WDR11: variants seen among roughly 807,000 people sequenced by gnomAD.
WDR11 encodes the protein WD repeat-containing protein 11.
Under a neutral mutation model 151.2 loss-of-function variants are expected in WDR11, and 83 were observed. The observed-to-expected ratio is 0.55, with a 90% CI of 0.46 to 0.66. WDR11 has a LOEUF of 0.66. Among genes scored for constraint, WDR11 ranks in the 30% least tolerant of loss-of-function variants. The pLI is 0.00. For synonymous variants in WDR11, 484 were observed against 533.1 expected, an observed-to-expected ratio of 0.91 and a Z score of 1.27; for missense variants, 1,301 against 1,480.9, an observed-to-expected ratio of 0.88 and a Z score of 1.99.
At chr10:120,885,535 A>G (rs1042041449) in intron 14 of WDR11, among the ~76,000 whole-genome samples, 5 of 152,120 alleles carry the variant, frequency 3.3e-5, no homozygotes, top group African/African-American at 1.2e-4. Context: ...GGAGACGAGG[A>G]ATAGGCAATA....
intron 16 of WDR11, 149 bp downstream of exon 16, chr10:120,886,985 A>G (rs2133786983): frequency 1.2e-6 from 1 of 833,112 alleles, no homozygotes; most frequent in South Asian, 1.6e-5. Context: ...AACTTGTTCC[A>G]TACTGCTAGA....
At position 120,873,940 on chromosome 10, in the gene WDR11, G is replaced by A. The variant is rs780623596; in HGVS notation, c.1556+17G>A. On this transcript the variant is annotated intron_variant, in intron 11 of 28. Coordinates refer to ENST00000263461, the MANE Select transcript of WDR11 (RefSeq NM_018117.12). Reference sequence around the variant, plus strand: ...TGAAGTCAAGTAAGTATGTCATTGTGATGATGACATCACAAACATCATATC... The same window carrying A: ...TGAAGTCAAGTAAGTATGTCATTGTAATGATGACATCACAAACATCATATC... The A allele has an allele frequency of 3.3e-5, 51 of 1,547,094 alleles. No individual in the cohort carries two copies. Among genetic ancestry groups the A allele is most frequent in the Non-Finnish European group, 4.5e-5 (50 of 1,119,498 alleles).
Position 120,905,411 on chromosome 10 carries a change from G to A in WDR11, c.3286G>A (p.Ala1096Thr). ...CGAGTGGAATCGGGCTGCATGGCTG[G>A]CAAAAGTAGGTGGTTCCAAGTTTCA... ...YGEWNRAAWL[A>T]KVRLNPEECA... Residue 1096 changes from alanine to threonine, a missense_variant, in exon 26 of 29, where the codon GCA becomes ACA. By Grantham distance (58) the Ala-to-Thr change is moderately conservative. This residue lies in a region of WDR11 where 589 missense variants were observed against 670.6 expected (regional missense o/e 0.88). Transcript: ENST00000263461. 1 of 1,614,164 alleles carries A rather than the reference G, an allele frequency of 6.2e-7. No homozygotes were observed. The highest frequency in any genetic ancestry group is 1.1e-5 in the South Asian group (1 of 91,088).
chr10:120,892,581 A>G (rs574012048), intron 19 of WDR11, among the ~76,000 whole-genome samples: 1 of 152,352 alleles, frequency 6.6e-6, no homozygotes, highest in South Asian at 2.1e-4. Flanking sequence ...AATTAGAAGT[A>G]TATTTGGGGC....
chr10:120,860,320 G>T, intron 4 of WDR11, 38 bp downstream of exon 4: 1 of 1,597,394 alleles, frequency 6.3e-7, no homozygotes. Flanking sequence ...AGTTAAGTGA[G>T]ATATTTATAA....
At chr10:120,900,458 G>A (rs191499352) in intron 20 of WDR11, among the ~76,000 whole-genome samples, 14 of 152,136 alleles carry the variant, frequency 9.2e-5, no homozygotes, top group African/African-American at 3.4e-4. Context: ...TTTGGAGCCG[G>A]GCACGTTCTT....
chr10:120,859,547 G>A (rs907920525), intron 3 of WDR11, among the ~76,000 whole-genome samples: 6 of 152,014 alleles, frequency 3.9e-5, no homozygotes, highest in African/African-American at 9.7e-5. Context: ...GATTACAGGC[G>A]TGAACCACTG....
In WDR11 at chr10:120,866,719, T is replaced by G; in HGVS notation, c.1145T>G (p.Ile382Arg). Residue 382 changes from isoleucine to arginine, a missense_variant, in exon 8 of 29, where the codon ATA (isoleucine) becomes AGA (arginine). Ile to Arg is a moderately conservative substitution (Grantham distance 97). Around this residue, in one of 3 missense-constraint regions of WDR11, gnomAD observed 692 missense variants for 762.5 expected, o/e 0.91. Coordinates refer to ENST00000263461, the MANE Select transcript of WDR11 (RefSeq NM_018117.12). ...ALVVSDGRVM[I>R]WELKSAVCNR... ...GTAGTGAGTGATGGCAGGGTCATGA[T>G]ATGGGAACTCAAGTCTGCAGTTTGT... 1 of 1,614,194 alleles carries G rather than the reference T, an allele frequency of 6.2e-7. No individual in the cohort carries two copies. Among genetic ancestry groups the G allele is most frequent in the Non-Finnish European group, 8.5e-7 (1 of 1,180,036 alleles).
At position 120,862,817 on chromosome 10, in the gene WDR11, A is replaced by T; in HGVS notation, c.609A>T (p.Ile203=). The T allele has an allele frequency of 6.2e-7, 1 of 1,614,126 alleles. No individual in the cohort carries two copies. The highest frequency in any genetic ancestry group is 8.5e-7 in the Non-Finnish European group (1 of 1,180,020). The change falls in exon 5 of 29, where the codon ATA becomes ATT. Residue 203 remains isoleucine, a synonymous_variant. Coordinates refer to ENST00000263461, the MANE Select transcript of WDR11 (RefSeq NM_018117.12). ...PPSGPGKKVY[I]SSPHSSPAHN... ...CAGGCCCTGGGAAAAAAGTTTACAT[A>T]TCCAGCCCACACTCTAGCCCAGCTC... is the stretch of plus-strand genomic sequence containing the variant.
At chr10:120,854,971 G>T (rs1845899129) in intron 2 of WDR11, among the ~76,000 whole-genome samples, 1 of 152,086 alleles carries the variant, frequency 6.6e-6, no homozygotes, top group South Asian at 2.1e-4. Flanking sequence ...TATATATATT[G>T]TGCTTTTTCT....
chr10:120,903,694 T>C (rs1476114505), intron 23 of WDR11, among the ~76,000 whole-genome samples: 6 of 152,240 alleles, frequency 3.9e-5, no homozygotes, highest in Non-Finnish European at 8.8e-5. Context: ...TTTAATTCTG[T>C]CATTAATTTC....
intron 7 of WDR11, 146 bp from the exon 8 acceptor site, chr10:120,866,423 G>C: frequency 1.2e-6 from 1 of 838,962 alleles, no homozygotes. Flanking sequence ...AAATTTAGTA[G>C]TAATTGTAAA....
At position 120,862,721 on chromosome 10, in the gene WDR11, T is replaced by C. The variant is rs1383434173; in HGVS notation, c.527-14T>C. On this transcript the variant is annotated splice_polypyrimidine_tract_variant and intron_variant, in intron 4 of 28. Transcript: ENST00000263461. ...CATTAAACTTTAATCAGAGTTTTGCTTTTCTCAATATAGTGCTTACCAGCG... is the reference window on the plus strand; with the variant it reads ...CATTAAACTTTAATCAGAGTTTTGCCTTTCTCAATATAGTGCTTACCAGCG... 1 of 1,613,902 alleles carries C rather than the reference T, an allele frequency of 6.2e-7. No homozygotes were observed. Among genetic ancestry groups the C allele is most frequent in the Non-Finnish European group, 8.5e-7 (1 of 1,179,950 alleles).
At chr10:120,885,053 C>T (rs1847167543) in intron 14 of WDR11, 1 of 152,224 alleles carries the variant, frequency 6.6e-6, no homozygotes, top group African/African-American at 2.4e-5. Context: ...ACACAGACAT[C>T]TTCTGTGTCC....
At chr10:120,878,656 AC>A (rs1222557571) in intron 12 of WDR11, among the ~76,000 whole-genome samples, 197 bp downstream of exon 12, 1 of 152,204 alleles carries the variant, frequency 6.6e-6, no homozygotes, top group African/African-American at 2.4e-5. Context: ...TGGCACAAAT[AC>A]ATGGTAAAAT....
intron 17 of WDR11, 110 bp downstream of exon 17, chr10:120,889,294 G>A (rs754536828): frequency 9.7e-6 from 8 of 828,076 alleles, no homozygotes; most frequent in Non-Finnish European, 1.6e-5. Context: ...CTGGAGTGCA[G>A]TGGTGCAATC....
At chr10:120,854,628 C>T (rs1845887699) in intron 2 of WDR11, among the ~76,000 whole-genome samples, 1 of 152,134 alleles carries the variant, frequency 6.6e-6, no homozygotes, top group Non-Finnish European at 1.5e-5. Context: ...TATGAGGAGT[C>T]TAATTTGTCC....
chr10:120,885,673 A>G (rs1847192572), intron 14 of WDR11, 141 bp from the exon 15 acceptor site: 10 of 1,127,808 alleles, frequency 8.9e-6, no homozygotes, highest in Admixed American at 1.9e-5. Context: ...CTAAGTAGGT[A>G]AAATCTAAAG....
chr10:120,871,279 T>C lies in WDR11; in HGVS notation c.1404T>C (p.Phe468=), dbSNP rs770125070. The change falls in exon 10 of 29, where the codon TTT becomes TTC. Residue 468 remains phenylalanine, a synonymous_variant. Transcript: ENST00000263461. ...TTTCAGGACTGCCCGCACCACAGTT[T>C]GCTATTCGTATGTGTCCACCGTTGA... is the stretch of plus-strand genomic sequence containing the variant. ...GLLSGLPAPQ[F]AIRMCPPLTT... 3.7e-6 allele frequency: 6 copies of C among 1,614,038 alleles called. No homozygotes were observed. The African/African-American group carries it at 8.0e-5, about 22-fold the overall frequency.
Sources: gnomAD v4.1 joint callset for allele counts (sites outside exome capture counted in the v4.1 genomes callset) on GRCh38, gnomAD v4.1.1 for gene constraint, gnomAD v4.1.1 regional missense constraint, MANE v1.5 for transcripts, NCBI Gene and HGNC (gene_info 2026-07-23, HGNC 2026-07-21) for gene names.